SPATA6: variants seen among roughly 807,000 people sequenced by gnomAD.
SPATA6 encodes the protein spermatogenesis associated 6, also known as spermatogenesis-associated protein 6.
A neutral mutation model predicts 65.3 loss-of-function variants in SPATA6; 56 were observed. The observed-to-expected ratio is 0.86, with a 90% CI of 0.69 to 1.07. The LOEUF (loss-of-function observed/expected upper bound fraction) is 1.07. Among genes scored for constraint, SPATA6 ranks in the 50% least tolerant of loss-of-function variants. The probability of loss-of-function intolerance (pLI) is 0.00; values close to 1 mark genes in which losing one functional copy is unlikely to be tolerated. For synonymous variants in SPATA6, 199 were observed against 213.2 expected (o/e 0.93, Z 0.58); for missense variants, 590 against 594.8 (o/e 0.99, Z 0.08).
At chr1:48,424,317 A>G (rs1321906906) in intron 3 of SPATA6, among the ~76,000 whole-genome samples, 1 of 152,248 alleles carries the variant, frequency 6.6e-6, no homozygotes, top group African/African-American at 2.4e-5. Context: ...ATGTTGTTGC[A>G]TATGACTGGA....
At chr1:48,289,121 G>A in the SPATA6 span, among the ~76,000 whole-genome samples, 1 of 151,976 alleles carries the variant, frequency 6.6e-6, no homozygotes, top group Non-Finnish European at 1.5e-5. Flanking sequence ...CACCTCATAT[G>A]GCCAGGTGTC....
chr1:48,400,196 G>C (rs1436918322), intron 6 of SPATA6, among the ~76,000 whole-genome samples: 1 of 151,730 alleles, frequency 6.6e-6, no homozygotes, highest in African/African-American at 2.4e-5. Flanking sequence ...TATTTGGATT[G>C]TAATACACAC....
chr1:48,426,717 G>A (rs955875848), intron 3 of SPATA6, among the ~76,000 whole-genome samples: 1 of 151,964 alleles, frequency 6.6e-6, no homozygotes, highest in African/African-American at 2.4e-5. Flanking sequence ...CCAAGTTCTT[G>A]TTTAAATAAT....
intron 9 of SPATA6, among the ~76,000 whole-genome samples, chr1:48,380,290 T>A (rs1648412003): frequency 6.6e-6 from 1 of 152,252 alleles, no homozygotes; most frequent in Non-Finnish European, 1.5e-5. Context: ...AATCCTTTTT[T>A]ATTTTCATGT....
chr1:48,320,795 A>G (rs1483763638), intron 11 of SPATA6, among the ~76,000 whole-genome samples: 1 of 152,230 alleles, frequency 6.6e-6, no homozygotes, highest in Non-Finnish European at 1.5e-5. Context: ...AGAAATAATG[A>G]AGACAACGAC....
At chr1:48,431,978 T>C (rs1654447285) in intron 3 of SPATA6, among the ~76,000 whole-genome samples, 1 of 151,952 alleles carries the variant, frequency 6.6e-6, no homozygotes, top group South Asian at 2.1e-4. Flanking sequence ...GGCATGGTGG[T>C]GCATGCCTGT....
intron 9 of SPATA6, among the ~76,000 whole-genome samples, chr1:48,366,890 G>C (rs1227001126): frequency 6.6e-6 from 1 of 151,872 alleles, no homozygotes; most frequent in African/African-American, 2.4e-5. Context: ...GTGATGTTAG[G>C]GTGTCAATTT....
chr1:48,398,721 A>G (rs941044238), intron 7 of SPATA6, among the ~76,000 whole-genome samples: 1 of 151,772 alleles, frequency 6.6e-6, no homozygotes, highest in African/African-American at 2.4e-5. Flanking sequence ...TCTGATTATA[A>G]ACCCTTAAAT....
chr1:48,305,855 A>G lies in SPATA6; in HGVS notation c.1218T>C (p.Asp406=). The G allele has an allele frequency of 6.2e-7, 1 of 1,612,122 alleles. No individual in the cohort carries two copies. Among genetic ancestry groups the G allele is most frequent in the South Asian group, 1.1e-5 (1 of 90,976 alleles). ...GACTTCTTTTCAGTTCCAGTTCATC[A>G]TCTTTCTCTAGGTCTCTCTCATCCT... ...HLYDERDLEK[D]DELELKRSLL... Residue 406 remains aspartate (D), a synonymous_variant, in exon 12 of 13, where the codon GAT becomes GAC. Transcript: ENST00000371847.
rs769080849 is a variant in SPATA6, at chr1:48,298,876, C to T, written c.1304G>A (p.Arg435His). The T allele has an allele frequency of 5.0e-6, 8 of 1,613,168 alleles. No homozygotes were observed. The highest frequency in any genetic ancestry group is 3.3e-5 in the South Asian group (3 of 90,878). ...DPEYSSCQQP[R>H]GTFHLDDGEY... is the part of the protein sequence containing the mutation. ...ACCGTCATCCAAATGGAAAGTGCCA[C>T]GTGGCTGCTGACATGAGCTATAAAA... The change falls in exon 13 of 13, where the codon CGT (arginine) becomes CAT (histidine). Residue 435 changes from arginine (R) to histidine (H), a missense_variant. Physicochemically the swap from Arg to His is conservative, Grantham distance 29 (BLOSUM62 0). Transcript: ENST00000371847.
chr1:48,367,165 T>C (rs1364065775), intron 9 of SPATA6, among the ~76,000 whole-genome samples: 1 of 152,170 alleles, frequency 6.6e-6, no homozygotes, highest in Non-Finnish European at 1.5e-5. Flanking sequence ...GAGAGACAGT[T>C]TGTTATAATT....
chr1:48,282,474 CA>C, the SPATA6 span, among the ~76,000 whole-genome samples: 1 of 151,886 alleles, frequency 6.6e-6, no homozygotes, highest in East Asian at 1.9e-4. Flanking sequence ...ACAATGAACT[CA>C]AACAAACTTA....
At chr1:48,364,703 T>C (rs1443053064) in intron 9 of SPATA6, among the ~76,000 whole-genome samples, 3 of 152,242 alleles carry the variant, frequency 2.0e-5, no homozygotes, top group Admixed American at 6.5e-5. Context: ...TGTTAGCCCT[T>C]TGGCAGATGA....
At chr1:48,377,430 T>C (rs1244095670) in intron 9 of SPATA6, among the ~76,000 whole-genome samples, 1 of 152,172 alleles carries the variant, frequency 6.6e-6, no homozygotes, top group Non-Finnish European at 1.5e-5. Context: ...TTCCCTTTTC[T>C]ATTGCAGATG....
intron 11 of SPATA6, among the ~76,000 whole-genome samples, chr1:48,344,018 C>T (rs1418042817): frequency 6.6e-6 from 1 of 151,848 alleles, no homozygotes; most frequent in East Asian, 1.9e-4. Context: ...TAGGTTTATA[C>T]CCAAATATAT....
the SPATA6 span, among the ~76,000 whole-genome samples, chr1:48,277,724 C>T: frequency 3.3e-5 from 5 of 152,216 alleles, no homozygotes; most frequent in African/African-American, 1.2e-4. Flanking sequence ...GGCCTGCCTG[C>T]CTCTGTAGGC....
At chr1:48,346,340 G>A (rs1368849007) in intron 11 of SPATA6, among the ~76,000 whole-genome samples, 1 of 151,940 alleles carries the variant, frequency 6.6e-6, no homozygotes, top group African/African-American at 2.4e-5. Flanking sequence ...AATAATAAAA[G>A]CCATATACAA....
chr1:48,450,763 C>T (rs904906620), intron 3 of SPATA6, among the ~76,000 whole-genome samples: 10 of 152,162 alleles, frequency 6.6e-5, no homozygotes, highest in Non-Finnish European at 1.3e-4. Context: ...TACTCAGATT[C>T]TTGCATGTTC....
chr1:48,302,804 T>G (rs1644971187), intron 12 of SPATA6, among the ~76,000 whole-genome samples: 2 of 152,098 alleles, frequency 1.3e-5, no homozygotes, highest in South Asian at 4.1e-4. Flanking sequence ...CAGCCAACTG[T>G]GGCTATCTTC....
Sources: allele counts gnomAD v4.1 joint callset (sites outside exome capture counted in the v4.1 genomes callset), GRCh38; gene constraint gnomAD v4.1.1; transcripts MANE v1.5; gene names NCBI Gene and HGNC (gene_info 2026-07-23, HGNC 2026-07-21).